Variants in CLSPN observed in about 807,000 individuals in gnomAD.
The protein encoded by CLSPN is claspin.
A neutral mutation model predicts 156.3 loss-of-function variants in CLSPN; 85 were observed. The ratio of observed to expected loss-of-function variants is 0.54; its 90% CI spans 0.46 to 0.65. The LOEUF is 0.65. Among genes scored for constraint, CLSPN ranks in the 30% least tolerant of loss-of-function variants. The pLI is 0.00. For missense variants in CLSPN, 1,407 were observed against 1,554.9 expected (o/e 0.90, Z 1.60); for synonymous variants, 534 against 542.4 (o/e 0.98, Z 0.22).
intron 1 of CLSPN, among the ~76,000 whole-genome samples, chr1:35,766,000 T>TTTTC (rs1642660143): frequency 6.7e-6 from 1 of 148,716 alleles, no homozygotes; most frequent in African/African-American, 2.5e-5. Context: ...CTCTCTTTTT[T>TTTTC]TTTTTTTTTT....
intron 9 of CLSPN, among the ~76,000 whole-genome samples, chr1:35,752,370 G>C (rs1334686022): frequency 1.3e-5 from 2 of 152,132 alleles, no homozygotes; most frequent in African/African-American, 4.8e-5. Flanking sequence ...ACGAGGTCAG[G>C]AGTTCGAGAC....
At chr1:35,738,857 A>G (rs978227533) in intron 20 of CLSPN, among the ~76,000 whole-genome samples, 1 of 146,520 alleles carries the variant, frequency 6.8e-6, no homozygotes, top group Non-Finnish European at 1.5e-5. Flanking sequence ...CTGGAGTGCA[A>G]TGGCATGATC....
At chr1:35,756,258 G>T (rs1642267926) in intron 8 of CLSPN, among the ~76,000 whole-genome samples, 1 of 152,172 alleles carries the variant, frequency 6.6e-6, no homozygotes, top group South Asian at 2.1e-4. Context: ...GCAACAGGTG[G>T]TAGCAGGGAA....
chr1:35,762,473 T>C lies in CLSPN; in HGVS notation c.753A>G (p.Glu251=), dbSNP rs1041965558. ...KNKVKKHKKK[E]PSLESGVHSF... The stretch of plus-strand genomic sequence containing the variant: ...AATGGACCCCACTCTCCAAAGATGG[T>C]TCTTTTTTCTAAAAGAAATGGCAGG... The change falls in exon 5 of 25, where the codon GAA becomes GAG. Residue 251 remains glutamate (E), a synonymous_variant. Coordinates refer to ENST00000318121, the MANE Select transcript of CLSPN (RefSeq NM_022111.4). 3 of 1,613,670 alleles carry C rather than the reference T, an allele frequency of 1.9e-6. No individual in the cohort carries two copies. Among genetic ancestry groups the C allele is most frequent in the Admixed American group, 3.3e-5 (2 of 59,948 alleles).
Position 35,769,919 on chromosome 1 carries a change from C to T in CLSPN, c.-49G>A, listed in dbSNP as rs1169124938. 1.2e-6 allele frequency: 2 copies of T among 1,600,592 alleles called. No individual in the cohort carries two copies. The highest frequency in any genetic ancestry group is 1.7e-6 in the Non-Finnish European group (2 of 1,172,970). ...ACTAGGGACGGAGCTGTCTCTGATT[C>T]CCTCAGCCGGAGAGCAGCGGCTCCC... On this transcript the variant is annotated 5_prime_UTR_variant, in exon 1 of 25. Coordinates refer to ENST00000318121, the MANE Select transcript of CLSPN (RefSeq NM_022111.4).
intron 4 of CLSPN, 39 bp downstream of exon 4, chr1:35,763,121 G>A (rs977534648): frequency 4.9e-6 from 7 of 1,441,000 alleles, no homozygotes; most frequent in Non-Finnish European, 5.5e-6. Flanking sequence ...AAGGTCAGAA[G>A]CAGTTGATTA....
At chr1:35,748,820 C>CTTTTTTTTTTTTTTTTTTTTT (rs201350754) in intron 12 of CLSPN, 1 of 245,114 alleles carries the variant, frequency 4.1e-6, no homozygotes, top group Non-Finnish European at 7.9e-6. Context: ...CTTGAAAGTT[C>CTTTTTTTTTTTTTTTTTTTTT]TTTTTTTTTT....
rs1187340666 is a variant in CLSPN, at chr1:35,732,967, C to T, written c.*3529G>A. 1.0e-6 allele frequency: 1 copy of T among 984,574 alleles called. No individual in the cohort carries two copies. Among genetic ancestry groups the T allele is most frequent in the Non-Finnish European group, 1.2e-6 (1 of 829,420 alleles). 61.0% of individuals were successfully genotyped at this position (984,574 alleles called of 1,614,324 possible). On this transcript the variant is annotated 3_prime_UTR_variant, in exon 25 of 25. Coordinates refer to ENST00000318121, the MANE Select transcript of CLSPN (RefSeq NM_022111.4). ...GCCTCAATCAGAAACCATTTTCTTTCTTTCTTTTTTTTTTTGAGAGGGAGT... is the reference window on the plus strand; with the variant it reads ...GCCTCAATCAGAAACCATTTTCTTTTTTTCTTTTTTTTTTTGAGAGGGAGT...
intron 23 of CLSPN, 46 bp from the exon 24 acceptor site, chr1:35,737,121 A>G: frequency 1.3e-6 from 2 of 1,575,290 alleles, no homozygotes; most frequent in Non-Finnish European, 1.7e-6. Context: ...AGTGCCAACT[A>G]AAGAATGAAA....
chr1:35,742,551 T>C (rs1397340038), intron 18 of CLSPN, among the ~76,000 whole-genome samples: 1 of 151,902 alleles, frequency 6.6e-6, no homozygotes, highest in Non-Finnish European at 1.5e-5. Context: ...ATTTTGTATT[T>C]TGTATTTTTA....
At position 35,750,592 on chromosome 1, in the gene CLSPN, G is replaced by A. The variant is rs144188148; in HGVS notation, c.2028+658C>T. Among the ~76,000 whole-genome samples, 26 of 151,786 alleles carry A rather than the reference G, an allele frequency of 1.7e-4. No homozygotes were observed. The East Asian group carries it at 4.5e-3, about 26-fold the overall frequency. ...ATTTTTAGTAGAGATGGATTTTCAC[G>A]ATGTTGGCTAGGCTGTTCTCAAACT... On this transcript the variant is annotated intron_variant, in intron 10 of 24. Transcript: ENST00000318121.
intron 10 of CLSPN, 58 bp downstream of exon 10, chr1:35,751,192 G>T: frequency 6.4e-7 from 1 of 1,558,452 alleles, no homozygotes; most frequent in African/African-American, 1.4e-5. Flanking sequence ...TTTCAAGTCT[G>T]ACTTTTTCTC....
chr1:35,732,323 A>T lies in CLSPN; in HGVS notation c.*4173T>A. 1.0e-6 allele frequency: 1 copy of T among 985,448 alleles called. No individual in the cohort carries two copies. The highest frequency in any genetic ancestry group is 1.2e-6 in the Non-Finnish European group (1 of 829,934). 61.0% of individuals were successfully genotyped at this position (985,448 alleles called of 1,614,324 possible). On this transcript the variant is annotated 3_prime_UTR_variant, in exon 25 of 25. Coordinates refer to ENST00000318121, the MANE Select transcript of CLSPN (RefSeq NM_022111.4). The stretch of plus-strand genomic sequence containing the variant: ...AGGACAGGATGCCACAAGAGTGATT[A>T]GACATAACCCTAGGAGATAAAAACC...
intron 1 of CLSPN, among the ~76,000 whole-genome samples, chr1:35,765,994 CTTTTTTT>C (rs549426437): frequency 9.4e-6 from 1 of 106,484 alleles, no homozygotes; most frequent in African/African-American, 3.7e-5. Flanking sequence ...CTCTCTCTCT[CTTTTTTT>C]TTTTTTTTTT....
rs1641374131 is a variant in CLSPN, at chr1:35,733,570, G to A, written c.*2926C>T. 3.0e-6 allele frequency: 3 copies of A among 985,254 alleles called. No homozygotes were observed. Among genetic ancestry groups the A allele is most frequent in the South Asian group, 9.4e-5 (2 of 21,290 alleles). The allele number at this position is 985,254 out of a possible 1,614,324, so 61.0% of individuals were successfully genotyped here. On this transcript the variant is annotated 3_prime_UTR_variant, in exon 25 of 25. Transcript: ENST00000318121. ...CTCAGTTCTCTTTTGCCCAGCAAGG[G>A]CTACTTTGCCTTGGGAACTGTTTAG...
chr1:35,730,765 A>T (rs1237201231), downstream of CLSPN, among the ~76,000 whole-genome samples: 1 of 151,864 alleles, frequency 6.6e-6, no homozygotes, highest in Non-Finnish European at 1.5e-5. Flanking sequence ...TGGGAGGCTG[A>T]GGCAGAATTG....
chr1:35,769,676 C>G (rs1364650235), intron 1 of CLSPN, among the ~76,000 whole-genome samples, 171 bp downstream of exon 1: 1 of 152,162 alleles, frequency 6.6e-6, no homozygotes, highest in African/African-American at 2.4e-5. Flanking sequence ...GATGCCCGGT[C>G]GGAACCCATC....
rs763728057 is a variant in CLSPN at position 35,738,112 on chromosome 1, AAATAT to A, written c.3559-20_3559-16del. On this transcript the variant is annotated splice_polypyrimidine_tract_variant and intron_variant, in intron 21 of 24. Coordinates refer to ENST00000318121, the MANE Select transcript of CLSPN (RefSeq NM_022111.4). ...CCCTGCTGTGCCTGAAAAAAAAAAA[AAATAT>A]ATATATATATATATATATATATACA... is the stretch of plus-strand genomic sequence containing the variant. 603 of 479,410 alleles carry A rather than the reference AAATAT, an allele frequency of 1.3e-3. 6 individuals are homozygous for A. The African/African-American group carries it at 0.045, about 36-fold the overall frequency. 29.7% of individuals were successfully genotyped at this position (479,410 alleles called of 1,614,324 possible). A position where few individuals can be genotyped will look rare whatever the true frequency, so the allele number is the denominator to read the frequency against.
At chr1:35,758,138 A>G (rs533654933) in intron 8 of CLSPN, among the ~76,000 whole-genome samples, 1 of 152,240 alleles carries the variant, frequency 6.6e-6, no homozygotes, top group Admixed American at 6.5e-5. Context: ...GCACCTGCCA[A>G]CAATAAGATG....
Sources: gnomAD v4.1 joint callset for allele counts (sites outside exome capture counted in the v4.1 genomes callset) on GRCh38, gnomAD v4.1.1 for gene constraint, MANE v1.5 for transcripts, NCBI Gene and HGNC (gene_info 2026-07-23, HGNC 2026-07-21) for gene names.